Variants in LHX5 observed in about 807,000 individuals in gnomAD.
LHX5 encodes LIM homeobox 5, also known as LIM/homeobox protein Lhx5.
Under a neutral mutation model 30.6 loss-of-function variants are expected in LHX5, and 5 were observed. The observed-to-expected ratio is 0.16, with a 90% CI of 0.09 to 0.34. The LOEUF (loss-of-function observed/expected upper bound fraction) is 0.34, where lower values mean the gene tolerates loss of function less well. LHX5 is among the 10% of genes least tolerant of loss of function. The pLI is 1.00. For synonymous variants in LHX5, 266 were observed against 252.6 expected, an observed-to-expected ratio of 1.05 and a Z score of -0.50; for missense variants, 458 against 570.6, an observed-to-expected ratio of 0.80 and a Z score of 2.01.
chr12:113,468,136 G>A lies in LHX5; in HGVS notation c.666C>T (p.Arg222=), dbSNP rs1223979628. Residue 222 remains arginine (R), a synonymous_variant, in exon 3 of 5, where the codon CGC becomes CGT. Transcript: ENST00000261731. ...QLAQETGLNM[R]VIQVWFQNRR... ...CCGCCCCGGGCCGCACCTGGATGAC[G>A]CGCATGTTGAGGCCGGTCTCCTGCG... 3.1e-6 allele frequency: 5 copies of A among 1,587,676 alleles called. No individual in the cohort carries two copies. Among genetic ancestry groups the A allele is most frequent in the African/African-American group, 2.7e-5 (2 of 74,454 alleles).
rs1723606245 is a variant in LHX5, at chr12:113,463,895, G to A, written c.842-338C>T. Among the ~76,000 whole-genome samples, 1 of 152,218 alleles carries A rather than the reference G, an allele frequency of 6.6e-6. No homozygotes were observed. Among genetic ancestry groups the A allele is most frequent in the South Asian group, 2.1e-4 (1 of 4,820 alleles). ...AGTCACAGGTTCCCTGACACCTAGA[G>A]ATGGAGAGAGACAGAGGCGGCCAGA... On this transcript the variant is annotated intron_variant, in intron 4 of 4. Transcript: ENST00000261731. This position sits in a 1 kb window ranked among gnomAD's most constrained non-coding sequence, Gnocchi z 6.7.
Position 113,463,110 on chromosome 12 carries a change from T to G in LHX5, c.*80A>C. The G allele has an allele frequency of 3.3e-6, 4 of 1,224,218 alleles. No individual in the cohort carries two copies. The highest frequency in any genetic ancestry group is 4.4e-6 in the Non-Finnish European group (4 of 918,008). The allele number at this position is 1,224,218 out of a possible 1,614,324, so 75.8% of individuals were successfully genotyped here. A position where few individuals can be genotyped will look rare whatever the true frequency, so the allele number is the denominator to read the frequency against. On this transcript the variant is annotated 3_prime_UTR_variant, in exon 5 of 5. Transcript: ENST00000261731. The surrounding 1 kb of genome is among the most constrained non-coding windows in gnomAD (Gnocchi z 6.7). ...GGACACCCACGTCTCCCACCGCGTC[T>G]GCGTCGGGCGTTTTGGTTTCAGGAG...
chr12:113,468,927 C>A (rs1387827640), intron 2 of LHX5, among the ~76,000 whole-genome samples, 195 bp downstream of exon 2: 2 of 152,188 alleles, frequency 1.3e-5, no homozygotes, highest in African/African-American at 4.8e-5. Context: ...GGTCTCAGAT[C>A]CCCTGTAAAA....
intron 1 of LHX5, among the ~76,000 whole-genome samples, chr12:113,470,438 T>C (rs559487805): frequency 6.6e-6 from 1 of 152,322 alleles, no homozygotes; most frequent in South Asian, 2.1e-4. Flanking sequence ...TCCAGGGAGT[T>C]AACACGTGTA....
Position 113,466,882 on chromosome 12 carries a change from C to A in LHX5, c.841+374G>T, listed in dbSNP as rs1020695959. ...TCAGTGTGACTGGTGGGAGTGTGCG[C>A]GTCTGTGGAGTTGTGTCTCCGTGAG... is the stretch of plus-strand genomic sequence containing the variant. On this transcript the variant is annotated intron_variant, in intron 4 of 4. Coordinates refer to ENST00000261731, the MANE Select transcript of LHX5 (RefSeq NM_022363.3). The surrounding 1 kb of genome is among the most constrained non-coding windows in gnomAD (Gnocchi z 6.5). Among the ~76,000 whole-genome samples the A allele has an allele frequency of 3.9e-5, 6 of 152,060 alleles. No individual in the cohort carries two copies. Among genetic ancestry groups the A allele is most frequent in the African/African-American group, 1.4e-4 (6 of 41,400 alleles).
chr12:113,471,653 A>G lies in LHX5; in HGVS notation c.-155T>C. On this transcript the variant is annotated 5_prime_UTR_variant, in exon 1 of 5. Coordinates refer to ENST00000261731, the MANE Select transcript of LHX5 (RefSeq NM_022363.3). Reference sequence around the variant, plus strand: ...GACTCAGCCGGTCCAGTCCTTGGGCAATCTCTGGCCTGGCGCTGGGCTGCC... The same window carrying G: ...GACTCAGCCGGTCCAGTCCTTGGGCGATCTCTGGCCTGGCGCTGGGCTGCC... 1.3e-6 allele frequency: 1 copy of G among 741,346 alleles called. No individual in the cohort carries two copies. The highest frequency in any genetic ancestry group is 2.1e-6 in the Non-Finnish European group (1 of 473,560). 45.9% of individuals were successfully genotyped at this position (741,346 alleles called of 1,614,324 possible).
rs1958224831 is a variant in LHX5, at chr12:113,467,909, C to A, written c.675+218G>T. Among the ~76,000 whole-genome samples, 1 of 152,258 alleles carries A rather than the reference C, an allele frequency of 6.6e-6. No individual in the cohort carries two copies. The highest frequency in any genetic ancestry group is 1.5e-5 in the Non-Finnish European group (1 of 68,048). ...CGGAATTCAGAGAGGTAAAGTGACC[C>A]GCCCCCAAATCGCAATACCAGGAGG... On this transcript the variant is annotated intron_variant, in intron 3 of 4. Transcript: ENST00000261731. The surrounding 1 kb of genome is among the most constrained non-coding windows in gnomAD (Gnocchi z 6.3).
chr12:113,467,338 C>G lies in LHX5; in HGVS notation c.759G>C (p.Arg253=). Residue 253 remains arginine (R), a synonymous_variant, in exon 4 of 5, where the codon CGG becomes CGC. Transcript: ENST00000261731. The surrounding 1 kb of genome is among the most constrained non-coding windows in gnomAD (Gnocchi z 6.3). ...CCAGCGGACGCATGCGCCGCGGACT[C>G]CGGAAGAAGGCGTGCCTCCGGGCGC... ...ALGARRHAFF[R]SPRRMRPLGG... 6.3e-7 allele frequency: 1 copy of G among 1,586,866 alleles called. No homozygotes were observed. Among genetic ancestry groups the G allele is most frequent in the Non-Finnish European group, 8.6e-7 (1 of 1,163,888 alleles).
chr12:113,467,079 A>T lies in LHX5; in HGVS notation c.841+177T>A, dbSNP rs1958219228. Among the ~76,000 whole-genome samples the T allele has an allele frequency of 6.6e-6, 1 of 151,920 alleles. No individual in the cohort carries two copies. Among genetic ancestry groups the T allele is most frequent in the Non-Finnish European group, 1.5e-5 (1 of 67,984 alleles). On this transcript the variant is annotated intron_variant, in intron 4 of 4. Coordinates refer to ENST00000261731, the MANE Select transcript of LHX5 (RefSeq NM_022363.3). The surrounding 1 kb of genome is among the most constrained non-coding windows in gnomAD (Gnocchi z 6.3). ...CTGTGTGCATCACTGTATGGGTGAG[A>T]CCATGTATCTGATTTTGTGTCCAGG... is the stretch of plus-strand genomic sequence containing the variant.
chr12:113,468,001 G>T, intron 3 of LHX5, 126 bp downstream of exon 3: 3 of 1,314,772 alleles, frequency 2.3e-6, no homozygotes, highest in Non-Finnish European at 3.0e-6. Context: ...CCACTCGGGC[G>T]CACGGTCTGC....
rs868774141 is a variant in LHX5, at chr12:113,467,383, C to G, written c.714G>C (p.Met238Ile). ...FQNRRSKERR[M>I]KQLSALGARR... ...GGGCGCCTAGGGCGCTCAGCTGTTT[C>G]ATCCGGCGTTCTTTGGACCGTCGGT... The change falls in exon 4 of 5, where the codon ATG becomes ATC. Residue 238 changes from methionine (M) to isoleucine (I), a missense_variant. This residue lies in a region of LHX5 where 255 missense variants were observed against 246.8 expected (regional missense o/e 1.03). Coordinates refer to ENST00000261731, the MANE Select transcript of LHX5 (RefSeq NM_022363.3). The surrounding 1 kb of genome is among the most constrained non-coding windows in gnomAD (Gnocchi z 6.3). 1 of 1,579,964 alleles carries G rather than the reference C, an allele frequency of 6.3e-7. No homozygotes were observed. Among genetic ancestry groups the G allele is most frequent in the East Asian group, 2.3e-5 (1 of 43,436 alleles).
chr12:113,467,343 A>G lies in LHX5; in HGVS notation c.754T>C (p.Phe252Leu), dbSNP rs140697498. The G allele has an allele frequency of 3.8e-6, 6 of 1,588,780 alleles. No individual in the cohort carries two copies. Among genetic ancestry groups the G allele is most frequent in the African/African-American group, 2.7e-5 (2 of 74,362 alleles). ...GGACGCATGCGCCGCGGACTCCGGA[A>G]GAAGGCGTGCCTCCGGGCGCCTAGG... ...SALGARRHAF[F>L]RSPRRMRPLG... Residue 252 changes from phenylalanine to leucine, a missense_variant, in exon 4 of 5, where the codon TTC becomes CTC. Transcript: ENST00000261731. This position sits in a 1 kb window ranked among gnomAD's most constrained non-coding sequence, Gnocchi z 6.3.
At chr12:113,469,484 T>A in intron 1 of LHX5, 139 bp from the exon 2 acceptor site, 1 of 745,376 alleles carries the variant, frequency 1.3e-6, no homozygotes, top group Non-Finnish European at 2.2e-6. Flanking sequence ...TCCTGAGCGC[T>A]CTGGCCAGAG....
chr12:113,463,659 G>GA lies in LHX5; in HGVS notation c.842-103dup, dbSNP rs1958193301. On this transcript the variant is annotated intron_variant, in intron 4 of 4. Coordinates refer to ENST00000261731, the MANE Select transcript of LHX5 (RefSeq NM_022363.3). The surrounding 1 kb of genome is among the most constrained non-coding windows in gnomAD (Gnocchi z 6.7). Reference sequence around the variant, plus strand: ...GGGGACCCGGGCGGGCGAGAGAGGGGAGCGCGCGACACCGACCCAAGGTTA... The same window carrying GA: ...GGGGACCCGGGCGGGCGAGAGAGGGGAAGCGCGCGACACCGACCCAAGGTTA... The GA allele has an allele frequency of 7.8e-7, 1 of 1,283,872 alleles. No individual in the cohort carries two copies. The highest frequency in any genetic ancestry group is 2.8e-5 in the Admixed American group (1 of 36,100). 79.5% of individuals were successfully genotyped at this position (1,283,872 alleles called of 1,614,324 possible). A position where few individuals can be genotyped will look rare whatever the true frequency, so the allele number is the denominator to read the frequency against.
rs1023748604 is a variant in LHX5 at position 113,465,588 on chromosome 12, C to G, written c.841+1668G>C. On this transcript the variant is annotated intron_variant, in intron 4 of 4. Coordinates refer to ENST00000261731, the MANE Select transcript of LHX5 (RefSeq NM_022363.3). This position sits in a 1 kb window ranked among gnomAD's most constrained non-coding sequence, Gnocchi z 6.7. ...GAGTCTTCCCCACCATTACGGGGAA[C>G]GAGGGGCCCCCAGTATCCAGCTCCC... 5.2e-4 allele frequency among the ~76,000 whole-genome samples: 79 copies of G among 152,210 alleles called. No individual in the cohort carries two copies. The highest frequency in any genetic ancestry group is 7.1e-4 in the Non-Finnish European group (48 of 68,010).
chr12:113,471,844 C>T lies in LHX5; in HGVS notation c.-346G>A, dbSNP rs1010924105. 9.7e-6 allele frequency: 3 copies of T among 309,044 alleles called. No individual in the cohort carries two copies. The South Asian group carries it at 2.2e-4, about 23-fold the overall frequency. The allele number at this position is 309,044 out of a possible 1,614,324, so 19.1% of individuals were successfully genotyped here. A position where few individuals can be genotyped will look rare whatever the true frequency, so the allele number is the denominator to read the frequency against. ...AGGCGCCGGCACTTTCCCCCACTTT[C>T]AAGCGGTCCGGATCCTCATCTTTGT... is the stretch of plus-strand genomic sequence containing the variant. On this transcript the variant is annotated 5_prime_UTR_variant, in exon 1 of 5. An upstream open reading frame in the 5' UTR loses its in-frame stop. Coordinates refer to ENST00000261731, the MANE Select transcript of LHX5 (RefSeq NM_022363.3).
At chr12:113,469,004 G>A in intron 2 of LHX5, 118 bp downstream of exon 2, 2 of 749,460 alleles carry the variant, frequency 2.7e-6, no homozygotes, top group South Asian at 1.9e-5. Context: ...ACTGCCTGGG[G>A]CTGATGAGCT....
At position 113,469,360 on chromosome 12, in the gene LHX5, T is replaced by C. The variant is rs1309946837; in HGVS notation, c.174-15A>G. 6.2e-7 allele frequency: 1 copy of C among 1,606,728 alleles called. No individual in the cohort carries two copies. The highest frequency in any genetic ancestry group is 8.5e-7 in the Non-Finnish European group (1 of 1,178,224). On this transcript the variant is annotated splice_polypyrimidine_tract_variant and intron_variant, in intron 1 of 4. Transcript: ENST00000261731. ...TGCCAAAGCGCCTGTGGACACAATG[T>C]GCCTGTCACTATGGGGTGGGACTGC...
intron 1 of LHX5, 74 bp from the exon 2 acceptor site, chr12:113,469,419 C>A (rs1358592728): frequency 1.4e-6 from 2 of 1,392,502 alleles, no homozygotes; most frequent in Non-Finnish European, 2.0e-6. Flanking sequence ...CCTCTTCCCA[C>A]CCGACCTGGC....
Sources: gnomAD v4.1 joint callset for allele counts (sites outside exome capture counted in the v4.1 genomes callset) on GRCh38, gnomAD v4.1.1 for gene constraint, gnomAD v4.1.1 regional missense constraint, Gnocchi (gnomAD v3.1) non-coding constraint, MANE v1.5 for transcripts, NCBI Gene and HGNC (gene_info 2026-07-23, HGNC 2026-07-21) for gene names.